The following AP5Z1 variants were observed in gnomAD, a reference collection of about 807,000 sequenced individuals.
AP5Z1 encodes AP-5 complex subunit zeta-1.
AP5Z1 carries 106 observed loss-of-function variants against 83.0 expected under a neutral mutation model. That is an observed-to-expected ratio of 1.28 (90% CI 1.09 to 1.50). AP5Z1 has a LOEUF of 1.50. Ranked by LOEUF, AP5Z1 falls within the 40% of genes most tolerant of loss-of-function variation. The probability of loss-of-function intolerance (pLI) is 0.00; values close to 1 mark genes in which losing one functional copy is unlikely to be tolerated. For synonymous variants in AP5Z1, 751 were observed against 514.1 expected (o/e 1.46, Z -6.23); for missense variants, 1,565 against 1,094.2 (o/e 1.43, Z -6.07).
chr7:4,790,114 C>T (rs1781708561), intron 14 of AP5Z1, 185 bp downstream of exon 14: 2 of 1,393,944 alleles, frequency 1.4e-6, no homozygotes, highest in Non-Finnish European at 1.9e-6. Flanking sequence ...CTCTGCTTCT[C>T]AAGAACATTC....
Position 4,790,719 on chromosome 7 carries a change from G to T in AP5Z1, c.1985G>T (p.Cys662Phe). 1.2e-6 allele frequency: 2 copies of T among 1,610,826 alleles called. No homozygotes were observed. Among genetic ancestry groups the T allele is most frequent in the Non-Finnish European group, 1.7e-6 (2 of 1,179,376 alleles). Reference sequence around the variant, plus strand: ...CTGTCGGTGACCTACGATCGGAGGTGCACCGTGGAGCAGATCAACAAGTTC... The same window carrying T: ...CTGTCGGTGACCTACGATCGGAGGTTCACCGTGGAGCAGATCAACAAGTTC... ...EYLSVTYDRR[C>F]TVEQINKFFE... Residue 662 changes from cysteine (C) to phenylalanine (F), a missense_variant, in exon 16 of 17, where the codon TGC becomes TTC. Cys to Phe is a radical substitution (Grantham distance 205). Coordinates refer to ENST00000649063, the MANE Select transcript of AP5Z1 (RefSeq NM_014855.3).
intron 13 of AP5Z1, 73 bp from the exon 14 acceptor site, chr7:4,789,759 C>T: frequency 7.9e-7 from 1 of 1,258,406 alleles, no homozygotes; most frequent in South Asian, 1.3e-5. Flanking sequence ...CAGCCCTCAC[C>T]ATGGCTTCAC....
intron 7 of AP5Z1, 94 bp downstream of exon 7, chr7:4,785,142 G>A: frequency 6.7e-7 from 1 of 1,503,026 alleles, no homozygotes; most frequent in Non-Finnish European, 8.9e-7. Context: ...CTGAGCTACT[G>A]CTCCACAGAG....
At chr7:4,779,193 CAT>C (rs940978752) in intron 1 of AP5Z1, among the ~76,000 whole-genome samples, 4 of 144,994 alleles carry the variant, frequency 2.8e-5, no homozygotes, top group African/African-American at 7.6e-5. Context: ...TATATAACAA[CAT>C]AATATATAGC....
chr7:4,784,495 G>T, intron 6 of AP5Z1, 124 bp downstream of exon 6: 16 of 1,214,358 alleles, frequency 1.3e-5, no homozygotes, highest in Non-Finnish European at 1.8e-5. Flanking sequence ...CAGAGGTCAG[G>T]ACTGAGCAAC....
At position 4,789,189 on chromosome 7, in the gene AP5Z1, A is replaced by G. The variant is rs79928377; in HGVS notation, c.1707+238A>G. The G allele has an allele frequency of 5.0e-3, 2,293 of 454,852 alleles. 45 individuals are homozygous for G. Among genetic ancestry groups the G allele is most frequent in the African/African-American group, 0.045 (2,104 of 46,680 alleles). The allele number at this position is 454,852 out of a possible 1,614,324, so 28.2% of individuals were successfully genotyped here. ...CCCCAGTCCCCGTCCCATCCCCTTC[A>G]TCCCGGCAGGCCACGTCCCCCAATC... On this transcript the variant is annotated intron_variant, in intron 13 of 16. Coordinates refer to ENST00000649063, the MANE Select transcript of AP5Z1 (RefSeq NM_014855.3).
rs560439547 is a variant in AP5Z1 at position 4,781,607 on chromosome 7, C to T, written c.219C>T (p.Leu73=). 1.7e-5 allele frequency: 27 copies of T among 1,610,150 alleles called. No homozygotes were observed. The African/African-American group carries it at 2.0e-4, about 12-fold the overall frequency. The change falls in exon 3 of 17, where the codon CTC becomes CTT. Residue 73 remains leucine (L), a synonymous_variant. Transcript: ENST00000649063. ...KTCVDLLQAT[L]GLPACPEQLQ... ...GCGTAGACCTGCTGCAGGCCACCCT[C>T]GGCCTGCCTGCATGCCCCGAGCAGC...
chr7:4,793,810 G>C lies in AP5Z1; in HGVS notation c.*2425G>C, dbSNP rs972929827. The C allele has an allele frequency of 2.6e-5, 4 of 153,184 alleles. No individual in the cohort carries two copies. Among genetic ancestry groups the C allele is most frequent in the African/African-American group, 7.2e-5 (3 of 41,484 alleles). The allele number at this position is 153,184 out of a possible 1,614,324, so 9.5% of individuals were successfully genotyped here. A position where few individuals can be genotyped will look rare whatever the true frequency, so the allele number is the denominator to read the frequency against. On this transcript the variant is annotated 3_prime_UTR_variant, in exon 17 of 17. Transcript: ENST00000649063. ...CCTGCGCAGTCCGAGCCTCCCCAAC[G>C]AGTGTTGCCACCTGCTCAGGGCACC...
rs538533994 is a variant in AP5Z1, at chr7:4,786,124, C to T, written c.1133-126C>T. 3.6e-3 allele frequency: 3,545 copies of T among 979,800 alleles called. 12 individuals carry two copies. Among genetic ancestry groups the T allele is most frequent in the Non-Finnish European group, 4.7e-3 (3,266 of 690,278 alleles). 60.7% of individuals were successfully genotyped at this position (979,800 alleles called of 1,614,324 possible). ...AAGTGCCGCTTCCCCAGCGTCCCAG[C>T]GTAGGACGCCTCGGAGCCCTTGGTG... On this transcript the variant is annotated intron_variant, in intron 9 of 16. Coordinates refer to ENST00000649063, the MANE Select transcript of AP5Z1 (RefSeq NM_014855.3).
At position 4,785,579 on chromosome 7, in the gene AP5Z1, C is replaced by T. The variant is rs374687909; in HGVS notation, c.1027C>T (p.Leu343=). The T allele has an allele frequency of 2.0e-5, 32 of 1,606,848 alleles. No individual in the cohort carries two copies. Among genetic ancestry groups the T allele is most frequent in the Middle Eastern group, 1.6e-4 (1 of 6,066 alleles). ...GCTGTGCCGGCAGGACCCGTCCTTC[C>T]TGTACCGAAGTCTCTCCTGCCTGAA... ...DVLCRQDPSF[L]YRSLSCLKAL... is the part of the protein sequence containing the mutation. The change falls in exon 9 of 17, where the codon CTG becomes TTG. Residue 343 remains leucine, a synonymous_variant. Coordinates refer to ENST00000649063, the MANE Select transcript of AP5Z1 (RefSeq NM_014855.3).
At chr7:4,790,045 A>G (rs369487101) in intron 14 of AP5Z1, 116 bp downstream of exon 14, 1 of 1,057,208 alleles carries the variant, frequency 9.5e-7, no homozygotes. Flanking sequence ...CTGGGCCCTC[A>G]GCAGCCTCAG....
chr7:4,785,420 C>T lies in AP5Z1; in HGVS notation c.937C>T (p.Leu313=), dbSNP rs1753640974. ...RLIEQSNRRA[L]RKGDSDLQKA... ...ACTTTTTCCCCTCCTTCCAGGAGCC[C>T]TGAGGAAGGGGGACTCCGACCTGCA... is the stretch of plus-strand genomic sequence containing the variant. The change falls in exon 8 of 17, where the codon CTG becomes TTG. Residue 313 remains leucine, a synonymous_variant. Coordinates refer to ENST00000649063, the MANE Select transcript of AP5Z1 (RefSeq NM_014855.3). 1 of 1,613,302 alleles carries T rather than the reference C, an allele frequency of 6.2e-7. No homozygotes were observed. The highest frequency in any genetic ancestry group is 1.7e-5 in the Admixed American group (1 of 59,990).
rs1356260806 is a variant in AP5Z1, at chr7:4,781,582, G to C, written c.194G>C (p.Cys65Ser). Residue 65 changes from cysteine to serine, a missense_variant, in exon 3 of 17, where the codon TGC (cysteine) becomes TCC (serine). Transcript: ENST00000649063. ...TKYSRRLEKT[C>S]VDLLQATLGL... ...TCGCCTTCCAGGCTGGAGAAGACAT[G>C]CGTAGACCTGCTGCAGGCCACCCTC... 1.7e-5 allele frequency: 28 copies of C among 1,608,802 alleles called. No homozygotes were observed. Among genetic ancestry groups the C allele is most frequent in the Non-Finnish European group, 2.4e-5 (28 of 1,176,806 alleles).
intron 5 of AP5Z1, 35 bp from the exon 6 acceptor site, chr7:4,784,168 C>A: frequency 6.5e-7 from 1 of 1,547,934 alleles, no homozygotes; most frequent in Admixed American, 2.0e-5. Context: ...CCGGCCTCGG[C>A]CCCCTCCGCC....
chr7:4,786,334 T>C lies in AP5Z1; in HGVS notation c.1217T>C (p.Leu406Pro). ...IPVEQFHSPMLAFEFIQFCRD... is the reference protein window; with the variant it reads ...IPVEQFHSPMPAFEFIQFCRD... The stretch of plus-strand genomic sequence containing the variant: ...GTGGAGCAGTTCCACAGCCCCATGC[T>C]GGCCTTTGAATTCATCCAGTTCTGC... The change falls in exon 10 of 17, where the codon CTG (leucine) becomes CCG (proline). Residue 406 changes from leucine to proline, a missense_variant. Leu to Pro is a moderately conservative substitution (Grantham distance 98). Transcript: ENST00000649063. The C allele has an allele frequency of 6.2e-7, 1 of 1,613,968 alleles. No homozygotes were observed. The highest frequency in any genetic ancestry group is 1.1e-5 in the South Asian group (1 of 91,082).
chr7:4,784,865 G>A (rs769671255), intron 6 of AP5Z1, 43 bp from the exon 7 acceptor site: 32 of 1,586,736 alleles, frequency 2.0e-5, no homozygotes, highest in South Asian at 1.5e-4. Flanking sequence ...GTCCCAGCCC[G>A]GGAGCCACAC....
chr7:4,789,768 AC>A, intron 13 of AP5Z1, 63 bp from the exon 14 acceptor site: 4 of 1,344,056 alleles, frequency 3.0e-6, no homozygotes, highest in African/African-American at 1.5e-5. Flanking sequence ...CCATGGCTTC[AC>A]CCCCAACCTT....
chr7:4,785,139 A>G (rs2115112179), intron 7 of AP5Z1, 91 bp downstream of exon 7: 2 of 1,504,744 alleles, frequency 1.3e-6, no homozygotes, highest in South Asian at 1.3e-5. Context: ...TCCCTGAGCT[A>G]CTGCTCCACA....
At chr7:4,783,560 A>T (rs1781444964) in intron 4 of AP5Z1, 100 bp downstream of exon 4, 1 of 1,540,806 alleles carries the variant, frequency 6.5e-7, no homozygotes, top group South Asian at 1.2e-5. Context: ...CAGGTGGGGG[A>T]CACGGGGAGG....
Sources: allele counts gnomAD v4.1 joint callset (sites outside exome capture counted in the v4.1 genomes callset), GRCh38; gene constraint gnomAD v4.1.1; transcripts MANE v1.5; gene names NCBI Gene and HGNC (gene_info 2026-07-23, HGNC 2026-07-21).